BACE2: variants seen among roughly 807,000 people sequenced by gnomAD.
BACE2 encodes the protein 56 kDa aspartic-like protease.
A neutral mutation model predicts 46.2 loss-of-function variants in BACE2; 17 were observed. The ratio of observed to expected loss-of-function variants is 0.37; its 90% CI spans 0.25 to 0.55. The LOEUF is 0.55. Among genes scored for constraint, BACE2 ranks in the 20% least tolerant of loss-of-function variants. The pLI is 0.82. For missense variants in BACE2, 595 were observed against 698.1 expected (o/e 0.85, Z 1.66); for synonymous variants, 277 against 295.9 (o/e 0.94, Z 0.66).
intron 1 of BACE2, among the ~76,000 whole-genome samples, chr21:41,173,093 A>G (rs1984663077): frequency 6.6e-6 from 1 of 152,222 alleles, no homozygotes; most frequent in African/African-American, 2.4e-5. Context: ...TCACATCTGC[A>G]TAGACCCACT....
chr21:41,191,835 G>A (rs957935386), intron 1 of BACE2, among the ~76,000 whole-genome samples: 2 of 152,112 alleles, frequency 1.3e-5, no homozygotes, highest in Non-Finnish European at 2.9e-5. Context: ...ATTCTCCTCT[G>A]GTGAGGTCCC....
intron 1 of BACE2, among the ~76,000 whole-genome samples, chr21:41,187,877 T>A (rs1985432544): frequency 6.6e-6 from 1 of 152,310 alleles, no homozygotes; most frequent in Admixed American, 6.5e-5. Flanking sequence ...CCTGACCCAC[T>A]ACCACTTCCA....
intron 1 of BACE2, among the ~76,000 whole-genome samples, chr21:41,196,136 A>G (rs1985722980): frequency 6.6e-6 from 1 of 151,974 alleles, no homozygotes; most frequent in Admixed American, 6.6e-5. Context: ...AAAAATAAAA[A>G]TAAAAATAAA....
intron 1 of BACE2, among the ~76,000 whole-genome samples, chr21:41,209,365 C>T (rs1986228630): frequency 6.6e-6 from 1 of 152,120 alleles, no homozygotes; most frequent in South Asian, 2.1e-4. Context: ...CTGTGTGGTC[C>T]CCGTTTGTTC....
rs1451360411 is a variant in BACE2 at position 41,278,080 on chromosome 21, A to G, written c.*2456A>G. ...AAGCTTTCAAGGAGGTTTGCTTGGA[A>G]CAGGAAAGGAATTAACAACCCTTTG... On this transcript the variant is annotated 3_prime_UTR_variant, in exon 9 of 9. Transcript: ENST00000330333. 1 of 152,244 alleles carries G rather than the reference A, an allele frequency of 6.6e-6. No individual in the cohort carries two copies. Among genetic ancestry groups the G allele is most frequent in the Non-Finnish European group, 1.5e-5 (1 of 68,044 alleles). The allele number at this position is 152,244 out of a possible 1,614,324, so 9.4% of individuals were successfully genotyped here. A position where few individuals can be genotyped will look rare whatever the true frequency, so the allele number is the denominator to read the frequency against.
At chr21:41,231,096 C>A (rs1447498944) in intron 2 of BACE2, among the ~76,000 whole-genome samples, 1 of 152,202 alleles carries the variant, frequency 6.6e-6, no homozygotes, top group East Asian at 1.9e-4. Context: ...GGAGGCTAAA[C>A]TGGATACAGA....
chr21:41,232,486 G>A (rs1387151895), intron 2 of BACE2, among the ~76,000 whole-genome samples: 1 of 152,200 alleles, frequency 6.6e-6, no homozygotes, highest in African/African-American at 2.4e-5. Context: ...ATGTTGAAAT[G>A]TGATTCCCAG....
chr21:41,222,439 C>G (rs1460556466), intron 1 of BACE2, among the ~76,000 whole-genome samples: 1 of 152,170 alleles, frequency 6.6e-6, no homozygotes, highest in Non-Finnish European at 1.5e-5. Flanking sequence ...ACCTGGGTAT[C>G]CTGGGGAAGA....
chr21:41,225,404 A>AGGC (rs2123572517), intron 1 of BACE2: 1 of 152,346 alleles, frequency 6.6e-6, no homozygotes, highest in Non-Finnish European at 1.5e-5. Context: ...TCGAAAGCAG[A>AGGC]GGCAAATCAT....
intron 1 of BACE2, among the ~76,000 whole-genome samples, chr21:41,200,211 A>T (rs537152025): frequency 4.6e-5 from 7 of 150,830 alleles, no homozygotes; most frequent in African/African-American, 1.5e-4. Flanking sequence ...ACAAAAAAAA[A>T]ACCCAAAACC....
At position 41,170,738 on chromosome 21, in the gene BACE2, A is replaced by G. The variant is rs555039816; in HGVS notation, c.312+2163A>G. Among the ~76,000 whole-genome samples, 4 of 152,358 alleles carry G rather than the reference A, an allele frequency of 2.6e-5. No individual in the cohort carries two copies. In the South Asian group the frequency reaches 8.3e-4, roughly 32 times the overall value. On this transcript the variant is annotated intron_variant, in intron 1 of 8. Transcript: ENST00000330333. ...TGATTCTCTGAAGCCTAAAATAAAA[A>G]TTGCTTAGGTGGAGAGAAAAATGGA... is the stretch of plus-strand genomic sequence containing the variant.
chr21:41,272,493 GT>G (rs1051197898), intron 8 of BACE2, among the ~76,000 whole-genome samples: 4 of 149,282 alleles, frequency 2.7e-5, no homozygotes, highest in Non-Finnish European at 6.0e-5. Context: ...TTTTTTTTCA[GT>G]TTTTTCTCTG....
At chr21:41,181,364 CATG>C (rs1416597138) in intron 1 of BACE2, 3 of 167,078 alleles carry the variant, frequency 1.8e-5, no homozygotes, top group African/African-American at 7.2e-5. Flanking sequence ...CACCTGTTCT[CATG>C]GTGGTGGTTG....
chr21:41,280,009 A>C lies in BACE2; in HGVS notation c.*4385A>C, dbSNP rs2088529479. ...TCACCCCACGTTTTTGGCACAGTCT[A>C]CTTTTTAGGTATTTTGTAAAGGAAC... On this transcript the variant is annotated 3_prime_UTR_variant, in exon 9 of 9. Transcript: ENST00000330333. 1 of 152,168 alleles carries C rather than the reference A, an allele frequency of 6.6e-6. No individual in the cohort carries two copies. Among genetic ancestry groups the C allele is most frequent in the South Asian group, 2.1e-4 (1 of 4,830 alleles). 9.4% of individuals were successfully genotyped at this position (152,168 alleles called of 1,614,324 possible). A position where few individuals can be genotyped will look rare whatever the true frequency, so the allele number is the denominator to read the frequency against.
At position 41,275,871 on chromosome 21, in the gene BACE2, T is replaced by G. The variant is rs2088483473; in HGVS notation, c.*247T>G. The G allele has an allele frequency of 5.7e-6, 3 of 530,354 alleles. No homozygotes were observed. Among genetic ancestry groups the G allele is most frequent in the African/African-American group, 1.9e-5 (1 of 52,752 alleles). The allele number at this position is 530,354 out of a possible 1,614,324, so 32.9% of individuals were successfully genotyped here. A position where few individuals can be genotyped will look rare whatever the true frequency, so the allele number is the denominator to read the frequency against. ...CATTCTAAACCAAAACAGAGTGGAT[T>G]GGGCTGCAGGCTCTATGGGGTTCGT... On this transcript the variant is annotated 3_prime_UTR_variant, in exon 9 of 9. Coordinates refer to ENST00000330333, the MANE Select transcript of BACE2 (RefSeq NM_012105.5).
In BACE2 at chr21:41,277,486, T is replaced by C. The variant is rs2088503436; in HGVS notation, c.*1862T>C. On this transcript the variant is annotated 3_prime_UTR_variant, in exon 9 of 9. Coordinates refer to ENST00000330333, the MANE Select transcript of BACE2 (RefSeq NM_012105.5). ...AGAATGCATTTCACACGGAGAGATG[T>C]CTGGAAGTCCAATTCTCATCCCATT... 6.6e-6 allele frequency: 1 copy of C among 152,244 alleles called. No individual in the cohort carries two copies. The highest frequency in any genetic ancestry group is 6.5e-5 in the Admixed American group (1 of 15,286). 9.4% of individuals were successfully genotyped at this position (152,244 alleles called of 1,614,324 possible).
intron 1 of BACE2, among the ~76,000 whole-genome samples, chr21:41,190,762 G>A (rs1427308226): frequency 6.6e-6 from 1 of 152,120 alleles, no homozygotes; most frequent in African/African-American, 2.4e-5. Flanking sequence ...TGCCCTAATG[G>A]ATCTCCTGTA....
rs577071211 is a variant in BACE2, at chr21:41,200,212, A to C, written c.313-26054A>C. On this transcript the variant is annotated intron_variant, in intron 1 of 8. Transcript: ENST00000330333. ...AATTAAAAAAAAAAACAAAAAAAAA[A>C]CCCAAAACCTCTTCTTGGGAGCTCT... Among the ~76,000 whole-genome samples the C allele has an allele frequency of 1.2e-3, 176 of 151,258 alleles. 4 individuals are homozygous for C. The South Asian group carries it at 0.029, about 25-fold the overall frequency.
At chr21:41,198,192 T>C (rs997134731) in intron 1 of BACE2, among the ~76,000 whole-genome samples, 2 of 152,096 alleles carry the variant, frequency 1.3e-5, no homozygotes, top group Non-Finnish European at 2.9e-5. Context: ...GGTTTTGTCA[T>C]GTTGGCCAGG....
Sources: gnomAD v4.1 joint callset for allele counts (sites outside exome capture counted in the v4.1 genomes callset) on GRCh38, gnomAD v4.1.1 for gene constraint, MANE v1.5 for transcripts, NCBI Gene and HGNC (gene_info 2026-07-23, HGNC 2026-07-21) for gene names.